AGBL4: variants seen among roughly 807,000 people sequenced by gnomAD.
The protein encoded by AGBL4 is cytosolic carboxypeptidase 6.
AGBL4 carries 58 observed loss-of-function variants against 66.4 expected under a neutral mutation model. The ratio of observed to expected loss-of-function variants is 0.87; its 90% CI spans 0.71 to 1.09. The LOEUF is 1.09. Among genes scored for constraint, AGBL4 ranks in the 50% least tolerant of loss-of-function variants. The pLI is 0.00. For missense variants in AGBL4, 579 were observed against 631.0 expected (o/e 0.92, Z 0.88); for synonymous variants, 234 against 222.9 (o/e 1.05, Z -0.44).
chr1:49,762,804 G>A (rs547855670), intron 2 of AGBL4, among the ~76,000 whole-genome samples: 1 of 152,236 alleles, frequency 6.6e-6, no homozygotes, highest in Non-Finnish European at 1.5e-5. Flanking sequence ...CTTCTCCCAT[G>A]CAAATGTTTT....
At chr1:49,182,900 C>T (rs1423287440) in intron 4 of AGBL4, among the ~76,000 whole-genome samples, 1 of 152,136 alleles carries the variant, frequency 6.6e-6, no homozygotes, top group Non-Finnish European at 1.5e-5. Context: ...GATTGAAATA[C>T]CATAGTTCCA....
At chr1:48,812,482 C>G (rs1442272936) in intron 6 of AGBL4, among the ~76,000 whole-genome samples, 1 of 152,142 alleles carries the variant, frequency 6.6e-6, no homozygotes, top group Non-Finnish European at 1.5e-5. Flanking sequence ...ATTTATTCAT[C>G]AAACACTCTC....
At chr1:49,311,520 G>A (rs1429439954) in intron 3 of AGBL4, among the ~76,000 whole-genome samples, 1 of 151,788 alleles carries the variant, frequency 6.6e-6, no homozygotes, top group Admixed American at 6.6e-5. Context: ...ATGCCTAATA[G>A]CAACAAAAAT....
chr1:49,176,607 G>A (rs2148176913), intron 4 of AGBL4, among the ~76,000 whole-genome samples: 1 of 152,252 alleles, frequency 6.6e-6, no homozygotes, highest in East Asian at 1.9e-4. Flanking sequence ...TGATAATAGA[G>A]GCTAATGCAC....
chr1:50,012,853 A>G (rs891262416), intron 1 of AGBL4, among the ~76,000 whole-genome samples: 20 of 152,216 alleles, frequency 1.3e-4, no homozygotes, highest in African/African-American at 4.3e-4. Context: ...AAATTTTCTG[A>G]GAACAACTTT....
chr1:48,739,586 T>C lies in AGBL4; in HGVS notation c.635-76345A>G, dbSNP rs76476772. On this transcript the variant is annotated intron_variant, in intron 6 of 13. Coordinates refer to ENST00000371839, the MANE Select transcript of AGBL4 (RefSeq NM_032785.4). ...GCCTGGGTGTAAATCTCAGCTATTCTACCTGCGTGCTGGTTAACTTGGGCC... is the reference window on the plus strand; with the variant it reads ...GCCTGGGTGTAAATCTCAGCTATTCCACCTGCGTGCTGGTTAACTTGGGCC... Among the ~76,000 whole-genome samples, 914 of 152,298 alleles carry C rather than the reference T, an allele frequency of 6.0e-3. 10 individuals are homozygous for C. The highest frequency in any genetic ancestry group is 0.021 in the African/African-American group (864 of 41,562).
intron 1 of AGBL4, among the ~76,000 whole-genome samples, chr1:49,909,426 G>A (rs192017070): frequency 1.2e-4 from 18 of 152,220 alleles, no homozygotes; most frequent in African/African-American, 4.1e-4. Context: ...AAGAAAGTAA[G>A]GGGACGTAAG....
At chr1:49,922,278 T>A (rs536016088) in intron 1 of AGBL4, among the ~76,000 whole-genome samples, 4 of 152,200 alleles carry the variant, frequency 2.6e-5, no homozygotes, top group Admixed American at 2.0e-4. Flanking sequence ...TTACTCTCAA[T>A]AAACTAGGTA....
chr1:49,667,748 A>T (rs2124513678), intron 3 of AGBL4, among the ~76,000 whole-genome samples: 1 of 152,322 alleles, frequency 6.6e-6, no homozygotes, highest in African/African-American at 2.4e-5. Context: ...TTAACTTTGT[A>T]TATGTAAAAG....
At chr1:48,552,375 A>G (rs1425952461) in intron 11 of AGBL4, among the ~76,000 whole-genome samples, 2 of 152,132 alleles carry the variant, frequency 1.3e-5, no homozygotes, top group Admixed American at 6.6e-5. Context: ...TTCATTATTT[A>G]TTACTCATTG....
At chr1:49,411,510 C>T (rs571090407) in intron 3 of AGBL4, among the ~76,000 whole-genome samples, 7 of 152,078 alleles carry the variant, frequency 4.6e-5, no homozygotes, top group Non-Finnish European at 4.4e-5. Context: ...CAAGTTGAAA[C>T]TTAATATTAA....
rs188063255 is a variant in AGBL4 at position 48,843,815 on chromosome 1, A to G, written c.634+23376T>C. Among the ~76,000 whole-genome samples the G allele has an allele frequency of 3.2e-3, 484 of 152,264 alleles. 1 individual carries two copies. The highest frequency in any genetic ancestry group is 5.3e-3 in the Non-Finnish European group (360 of 68,018). On this transcript the variant is annotated intron_variant, in intron 6 of 13. Transcript: ENST00000371839. Reference sequence around the variant, plus strand: ...TTGCCTTGAGTCCTGGTGAGATAATAGAACTGGAACTTCCCTCCATGCTGA... The same window carrying G: ...TTGCCTTGAGTCCTGGTGAGATAATGGAACTGGAACTTCCCTCCATGCTGA...
intron 1 of AGBL4, among the ~76,000 whole-genome samples, chr1:49,930,990 C>T (rs2148263643): frequency 6.6e-6 from 1 of 152,026 alleles, no homozygotes; most frequent in Middle Eastern, 3.4e-3. Flanking sequence ...GACATGATTG[C>T]CTATGTAGAA....
chr1:48,987,141 G>GA (rs1411595860), intron 5 of AGBL4, among the ~76,000 whole-genome samples: 3 of 150,110 alleles, frequency 2.0e-5, no homozygotes, highest in Non-Finnish European at 3.0e-5. Context: ...CCCAAAGAAG[G>GA]AAAAAAAAGA....
intron 10 of AGBL4, among the ~76,000 whole-genome samples, chr1:48,589,522 T>C (rs1243948143): frequency 6.6e-6 from 1 of 152,144 alleles, no homozygotes; most frequent in Non-Finnish European, 1.5e-5. Flanking sequence ...GCAAAAGCTC[T>C]CTCCCTACAC....
chr1:49,462,324 GA>G (rs1288766630), intron 3 of AGBL4, among the ~76,000 whole-genome samples: 2 of 151,826 alleles, frequency 1.3e-5, no homozygotes. Context: ...GAATAGAAAA[GA>G]AGCACCATCT....
At chr1:49,761,883 C>T (rs1652346604) in intron 2 of AGBL4, among the ~76,000 whole-genome samples, 2 of 152,178 alleles carry the variant, frequency 1.3e-5, no homozygotes, top group South Asian at 4.1e-4. Flanking sequence ...GTCTCTGGTG[C>T]CCATTGTTCT....
At chr1:49,343,367 T>A (rs1645578178) in intron 3 of AGBL4, among the ~76,000 whole-genome samples, 1 of 152,202 alleles carries the variant, frequency 6.6e-6, no homozygotes, top group Non-Finnish European at 1.5e-5. Flanking sequence ...CAGAAATTAC[T>A]CTGCATTATG....
chr1:49,803,053 A>G (rs1644900447), intron 2 of AGBL4, among the ~76,000 whole-genome samples: 1 of 150,888 alleles, frequency 6.6e-6, no homozygotes, highest in Non-Finnish European at 1.5e-5. Flanking sequence ...TATATGATAT[A>G]TAAGTTATAT....
Sources: allele counts gnomAD v4.1 joint callset (sites outside exome capture counted in the v4.1 genomes callset), GRCh38; gene constraint gnomAD v4.1.1; transcripts MANE v1.5; gene names NCBI Gene and HGNC (gene_info 2026-07-23, HGNC 2026-07-21).